Variants in HIVEP1 observed in about 807,000 individuals in gnomAD.
HIVEP1 encodes the protein zinc finger protein 40.
Under a neutral mutation model 180.0 loss-of-function variants are expected in HIVEP1, and 36 were observed. That is an observed-to-expected ratio of 0.20 (90% confidence interval 0.15 to 0.26). HIVEP1 has a LOEUF of 0.26. Among genes scored for constraint, HIVEP1 ranks in the 10% least tolerant of loss-of-function variants. The probability of loss-of-function intolerance (pLI) is 1.00; values close to 1 mark genes in which losing one functional copy is unlikely to be tolerated. For synonymous variants in HIVEP1, 1,239 were observed against 1,239.0 expected, an observed-to-expected ratio of 1.00 and a Z score of 0.00; for missense variants, 3,143 against 3,268.7, an observed-to-expected ratio of 0.96 and a Z score of 0.94.
upstream of HIVEP1, chr6:12,011,861 G>A (rs1017865327): frequency 1.4e-5 from 2 of 143,202 alleles, no homozygotes; most frequent in Non-Finnish European, 3.1e-5. Flanking sequence ...AGCCCCCGCG[G>A]GGACGCCCCC....
At chr6:12,071,814 G>T (rs1255506803) in intron 2 of HIVEP1, among the ~76,000 whole-genome samples, 3 of 152,128 alleles carry the variant, frequency 2.0e-5, no homozygotes, top group African/African-American at 7.2e-5. Flanking sequence ...TTATGGGATG[G>T]CCTTGGGCTT....
rs903790783 is a variant in HIVEP1, at chr6:12,027,789, A to C, written c.40+12121A>C. On this transcript the variant is annotated intron_variant, in intron 2 of 8. Coordinates refer to ENST00000379388, the MANE Select transcript of HIVEP1 (RefSeq NM_002114.4). Reference sequence around the variant, plus strand: ...AATTGCTGCTAGCACATTAAGCATTATAATTTGTCCTTAGGTTGTGGGAAA... The same window carrying C: ...AATTGCTGCTAGCACATTAAGCATTCTAATTTGTCCTTAGGTTGTGGGAAA... 1.1e-4 allele frequency among the ~76,000 whole-genome samples: 16 copies of C among 152,218 alleles called. 1 individual carries two copies. Among genetic ancestry groups the C allele is most frequent in the African/African-American group, 3.6e-4 (15 of 41,456 alleles).
At chr6:12,176,008 C>A in the HIVEP1 span, among the ~76,000 whole-genome samples, 2 of 152,250 alleles carry the variant, frequency 1.3e-5, no homozygotes, top group African/African-American at 2.4e-5. Context: ...AACAAAGAAG[C>A]CTCCTGAGGC....
chr6:12,208,876 A>G, the HIVEP1 span, among the ~76,000 whole-genome samples: 1 of 144,600 alleles, frequency 6.9e-6, no homozygotes, highest in Admixed American at 7.0e-5. Context: ...GATGTTTGTT[A>G]CTGAAGCCCT....
At position 12,103,262 on chromosome 6, in the gene HIVEP1, A is replaced by C. The variant is rs370606104; in HGVS notation, c.94+14025A>C. 2.6e-5 allele frequency among the ~76,000 whole-genome samples: 4 copies of C among 152,222 alleles called. No individual in the cohort carries two copies. In the East Asian group the frequency reaches 7.7e-4, roughly 29 times the overall value. Reference sequence around the variant, plus strand: ...GAACTAAAATTGAAGTTCTGGGCACAATGCCAAGCTGTCTACATGCATTAT... The same window carrying C: ...GAACTAAAATTGAAGTTCTGGGCACCATGCCAAGCTGTCTACATGCATTAT... On this transcript the variant is annotated intron_variant, in intron 3 of 8. Transcript: ENST00000379388.
chr6:12,139,282 C>G (rs528518928), intron 7 of HIVEP1, among the ~76,000 whole-genome samples: 1 of 152,264 alleles, frequency 6.6e-6, no homozygotes, highest in African/African-American at 2.4e-5. Context: ...TCTCCTGCCT[C>G]TTTCTTGAAC....
In HIVEP1 at chr6:12,160,992, A is replaced by G. The variant is rs550813783; in HGVS notation, c.6488-447A>G. Among the ~76,000 whole-genome samples, 11 of 152,350 alleles carry G rather than the reference A, an allele frequency of 7.2e-5. No homozygotes were observed. The East Asian group carries it at 1.7e-3, about 24-fold the overall frequency. On this transcript the variant is annotated intron_variant, in intron 7 of 8. Coordinates refer to ENST00000379388, the MANE Select transcript of HIVEP1 (RefSeq NM_002114.4). The stretch of plus-strand genomic sequence containing the variant: ...ATGTTGCTCACAGATACCAACAGCC[A>G]TCAGTTTTTTGTGTTTGATTTAATT...
the HIVEP1 span, among the ~76,000 whole-genome samples, chr6:12,206,170 G>A: frequency 6.6e-6 from 1 of 152,112 alleles, no homozygotes; most frequent in Non-Finnish European, 1.5e-5. Flanking sequence ...GTCTCGCTCT[G>A]TCACCCAGGC....
At chr6:12,117,179 GT>G (rs1775269665) in intron 3 of HIVEP1, among the ~76,000 whole-genome samples, 1 of 152,100 alleles carries the variant, frequency 6.6e-6, no homozygotes, top group Non-Finnish European at 1.5e-5. Context: ...TAGAAGAAAA[GT>G]TTTCTGAGGT....
chr6:12,179,568 T>C, the HIVEP1 span, among the ~76,000 whole-genome samples: 3 of 152,198 alleles, frequency 2.0e-5, no homozygotes, highest in Non-Finnish European at 4.4e-5. Flanking sequence ...GAGTTGCTCC[T>C]TCTCATCCCC....
downstream of HIVEP1, among the ~76,000 whole-genome samples, chr6:12,168,156 G>T (rs573008462): frequency 2.6e-5 from 3 of 114,430 alleles, no homozygotes; most frequent in South Asian, 2.6e-4. Context: ...TATATATACA[G>T]ATATACGTGT....
chr6:12,039,397 C>T (rs985138058), intron 2 of HIVEP1, among the ~76,000 whole-genome samples: 3 of 152,104 alleles, frequency 2.0e-5, no homozygotes, highest in African/African-American at 7.2e-5. Context: ...TCTTAAATAC[C>T]AGTCAGAGCC....
intron 3 of HIVEP1, among the ~76,000 whole-genome samples, chr6:12,091,447 TC>T (rs1773467005): frequency 6.6e-6 from 1 of 152,140 alleles, no homozygotes; most frequent in African/African-American, 2.4e-5. Flanking sequence ...TCCCTTTCTC[TC>T]TTTTTTGTAA....
chr6:12,168,000 T>TA (rs1491203198), downstream of HIVEP1, among the ~76,000 whole-genome samples: 23 of 119,702 alleles, frequency 1.9e-4, no homozygotes, highest in African/African-American at 7.2e-4. Flanking sequence ...TATGTATATA[T>TA]TATATATACA....
chr6:12,147,989 A>G (rs575439851), intron 7 of HIVEP1, among the ~76,000 whole-genome samples: 1 of 152,322 alleles, frequency 6.6e-6, no homozygotes, highest in South Asian at 2.1e-4. Flanking sequence ...GCTTCTGTAT[A>G]TGTTTTAAAA....
At chr6:12,050,823 T>TG (rs1317558238) in intron 2 of HIVEP1, among the ~76,000 whole-genome samples, 3 of 151,416 alleles carry the variant, frequency 2.0e-5, no homozygotes, top group East Asian at 3.9e-4. Flanking sequence ...CTCCTACTTT[T>TG]GGGGGGTCTT....
At chr6:12,072,114 C>T (rs1772013690) in intron 2 of HIVEP1, among the ~76,000 whole-genome samples, 1 of 150,806 alleles carries the variant, frequency 6.6e-6, no homozygotes, top group Non-Finnish European at 1.5e-5. Flanking sequence ...ATAAATAATG[C>T]ATGGGCACTA....
chr6:12,175,181 T>C, the HIVEP1 span, among the ~76,000 whole-genome samples: 1 of 152,254 alleles, frequency 6.6e-6, no homozygotes, highest in East Asian at 1.9e-4. Context: ...TTAATTGGTA[T>C]CTAATGAATA....
At chr6:12,028,494 GT>G (rs1328278089) in intron 2 of HIVEP1, among the ~76,000 whole-genome samples, 1 of 152,206 alleles carries the variant, frequency 6.6e-6, no homozygotes, top group Non-Finnish European at 1.5e-5. Flanking sequence ...TATGTTGACA[GT>G]TTAGGTTGAT....
Sources: allele counts gnomAD v4.1 joint callset (sites outside exome capture counted in the v4.1 genomes callset), GRCh38; gene constraint gnomAD v4.1.1; transcripts MANE v1.5; gene names NCBI Gene and HGNC (gene_info 2026-07-23, HGNC 2026-07-21).